The following ZGRF1 variants were observed in gnomAD, a reference collection of about 807,000 sequenced individuals.
ZGRF1 encodes the protein 5'-3' DNA helicase ZGRF1.
A neutral mutation model predicts 203.5 loss-of-function variants in ZGRF1; 196 were observed. That is an observed-to-expected ratio of 0.96 (90% CI 0.86 to 1.08). The LOEUF (loss-of-function observed/expected upper bound fraction) is 1.08. Among genes scored for constraint, ZGRF1 ranks in the 50% least tolerant of loss-of-function variants. The pLI, the probability that ZGRF1 is intolerant of heterozygous loss-of-function variation, is 0.00. For synonymous variants in ZGRF1, 809 were observed against 841.3 expected, an observed-to-expected ratio of 0.96 and a Z score of 0.66; for missense variants, 2,326 against 2,416.3, an observed-to-expected ratio of 0.96 and a Z score of 0.78.
At chr4:112,625,009 C>T (rs1269530333) in intron 3 of ZGRF1, among the ~76,000 whole-genome samples, 1 of 152,142 alleles carries the variant, frequency 6.6e-6, no homozygotes, top group South Asian at 2.1e-4. Context: ...GCTTGGTACA[C>T]GGCTCATGGT....
intron 3 of ZGRF1, among the ~76,000 whole-genome samples, chr4:112,626,642 T>C (rs2047248293): frequency 6.6e-6 from 1 of 152,182 alleles, no homozygotes; most frequent in African/African-American, 2.4e-5. Flanking sequence ...CCAAAAAATA[T>C]TTGTTGAACA....
chr4:112,631,718 G>A (rs2047416142), intron 3 of ZGRF1, among the ~76,000 whole-genome samples: 1 of 152,076 alleles, frequency 6.6e-6, no homozygotes, highest in Admixed American at 6.6e-5. Flanking sequence ...TGTGCTACTG[G>A]ATAACAGATC....
At chr4:112,563,010 C>T (rs1487771978) in intron 17 of ZGRF1, 121 bp downstream of exon 17, 11 of 638,932 alleles carry the variant, frequency 1.7e-5, no homozygotes, top group Non-Finnish European at 2.8e-5. Context: ...TTTTCAGGAA[C>T]TCACTGTACA....
At chr4:112,564,965 G>A (rs575023208) in intron 16 of ZGRF1, 34 of 827,418 alleles carry the variant, frequency 4.1e-5, no homozygotes, top group Middle Eastern at 2.2e-4. Flanking sequence ...GAGAAATGAG[G>A]TAAGTAAGGA....
Position 112,625,348 on chromosome 4 carries a change from A to C in ZGRF1, c.103-1472T>G, listed in dbSNP as rs564766041. Among the ~76,000 whole-genome samples the C allele has an allele frequency of 3.3e-5, 5 of 152,142 alleles. No homozygotes were observed. In the South Asian group the frequency reaches 1.0e-3, roughly 32 times the overall value. ...AAGCCTGTAATCCCAGCACTTTGGG[A>C]GGCCGAGGCGGCGGATCACGAGGTC... On this transcript the variant is annotated intron_variant, in intron 3 of 27. Transcript: ENST00000505019.
intron 10 of ZGRF1, among the ~76,000 whole-genome samples, chr4:112,595,916 A>T (rs1017647190): frequency 6.6e-6 from 1 of 152,210 alleles, no homozygotes; most frequent in Non-Finnish European, 1.5e-5. Flanking sequence ...AGAATTTGAT[A>T]AAAATACAGA....
In ZGRF1 at chr4:112,617,564, A is replaced by C. The variant is rs140357841; in HGVS notation, c.2478T>G (p.Ile826Met). 1.2e-3 allele frequency: 1,964 copies of C among 1,613,606 alleles called. 31 individuals carry two copies. Among genetic ancestry groups the C allele is most frequent in the Non-Finnish European group, 4.9e-5 (58 of 1,179,820 alleles). Residue 826 changes from isoleucine (I) to methionine (M), a missense_variant, in exon 6 of 28, where the codon ATT becomes ATG. Ile to Met is a conservative substitution (Grantham distance 10, BLOSUM62 1). Transcript: ENST00000505019. ...GTTCACATAGCGACTTTAAAATAGAAATGGTATTTACTAATCCAGAAAGTT... is the reference window on the plus strand; with the variant it reads ...GTTCACATAGCGACTTTAAAATAGACATGGTATTTACTAATCCAGAAAGTT... ...SSELSGLVNT[I>M]SILKSLCEHS...
At chr4:112,575,651 G>T (rs1413244540) in intron 16 of ZGRF1, among the ~76,000 whole-genome samples, 4 of 152,206 alleles carry the variant, frequency 2.6e-5, no homozygotes, top group African/African-American at 7.2e-5. Context: ...GGATCAGAGG[G>T]TCCTACACCC....
At chr4:112,542,427 T>C (rs1361062624) in intron 24 of ZGRF1, among the ~76,000 whole-genome samples, 1 of 152,118 alleles carries the variant, frequency 6.6e-6, no homozygotes, top group Non-Finnish European at 1.5e-5. Flanking sequence ...TATGCAAAGT[T>C]CAAAAAGGCA....
rs761803242 is a variant in ZGRF1, at chr4:112,618,189, T to TA, written c.1852dup (p.Tyr618LeufsTer5). 3.1e-5 allele frequency: 50 copies of TA among 1,613,734 alleles called. No individual in the cohort carries two copies. Among genetic ancestry groups the TA allele is most frequent in the Non-Finnish European group, 3.9e-5 (46 of 1,179,894 alleles). On this transcript the variant is annotated frameshift_variant, in exon 6 of 28. Coordinates refer to ENST00000505019, the MANE Select transcript of ZGRF1 (RefSeq NM_018392.5). LOFTEE classifies it high-confidence loss of function. ...ACATATTCCCATGTCAAAACCCACATAAGTTTTATCACAAAACTGTGATGG... is the reference window on the plus strand; with the variant it reads ...ACATATTCCCATGTCAAAACCCACATAAAGTTTTATCACAAAACTGTGATGG...
At chr4:112,612,729 T>C (rs75193397) in intron 6 of ZGRF1, 141 bp from the exon 7 acceptor site, 33 of 562,740 alleles carry the variant, frequency 5.9e-5, no homozygotes, top group East Asian at 2.1e-4. Flanking sequence ...ATCTGGAATG[T>C]AGCACTTGAG....
intron 1 of ZGRF1, chr4:112,636,636 A>C (rs1157820798): frequency 6.6e-6 from 1 of 152,156 alleles, no homozygotes; most frequent in Non-Finnish European, 1.5e-5. Flanking sequence ...TTTGGTCCTC[A>C]TACCTACTCG....
chr4:112,609,966 C>CCATCTCTA (rs1751342943), intron 7 of ZGRF1, among the ~76,000 whole-genome samples: 1 of 151,840 alleles, frequency 6.6e-6, no homozygotes, highest in Non-Finnish European at 1.5e-5. Context: ...TAGTGAAACC[C>CCATCTCTA]CATCTCTACA....
At position 112,603,535 on chromosome 4, in the gene ZGRF1, C is replaced by A; in HGVS notation, c.2965G>T (p.Asp989Tyr). 6.2e-7 allele frequency: 1 copy of A among 1,600,736 alleles called. No homozygotes were observed. The highest frequency in any genetic ancestry group is 1.1e-5 in the South Asian group (1 of 89,222). The change falls in exon 10 of 28, where the codon GAC (aspartate) becomes TAC (tyrosine). Residue 989 changes from aspartate (D) to tyrosine (Y), a missense_variant. Transcript: ENST00000505019. ...AAAAATATTTTTACCTGCAAGAAGT[C>A]AATCTGCATACACGTGCTAGGTAAC... The part of the protein sequence containing the change: ...PELPSTCMQI[D>Y]FLQVTSPEEN...
At chr4:112,547,255 A>C (rs779454311) in intron 24 of ZGRF1, 30 bp downstream of exon 24, 1 of 1,591,888 alleles carries the variant, frequency 6.3e-7, no homozygotes, top group South Asian at 1.2e-5. Context: ...TCAATAAATG[A>C]TAATTCCGTA....
At chr4:112,598,780 G>A (rs1292865575) in intron 10 of ZGRF1, among the ~76,000 whole-genome samples, 1 of 152,080 alleles carries the variant, frequency 6.6e-6, no homozygotes, top group Non-Finnish European at 1.5e-5. Context: ...GCCAGTCACG[G>A]TGTCAGATGC....
chr4:112,555,293 T>C lies in ZGRF1; in HGVS notation c.5121-511A>G, dbSNP rs147468381. ...TCCTCTACATACATTATCCCCCAGTTAGGGCTTTGTGAGGAAGGACCCCTC... is the reference window on the plus strand; with the variant it reads ...TCCTCTACATACATTATCCCCCAGTCAGGGCTTTGTGAGGAAGGACCCCTC... On this transcript the variant is annotated intron_variant, in intron 20 of 27. Coordinates refer to ENST00000505019, the MANE Select transcript of ZGRF1 (RefSeq NM_018392.5). Among the ~76,000 whole-genome samples the C allele has an allele frequency of 1.4e-4, 21 of 152,286 alleles. No individual in the cohort carries two copies. In the East Asian group the frequency reaches 3.3e-3, roughly 24 times the overall value.
chr4:112,618,487 A>G lies in ZGRF1; in HGVS notation c.1555T>C (p.Ser519Pro). 1.2e-6 allele frequency: 2 copies of G among 1,613,432 alleles called. No individual in the cohort carries two copies. The highest frequency in any genetic ancestry group is 2.2e-5 in the South Asian group (2 of 91,056). ...AATGGTTGTGTTACATTACTCAGAGATTCATGAATACTATTAAGACTTTCA... is the reference window on the plus strand; with the variant it reads ...AATGGTTGTGTTACATTACTCAGAGGTTCATGAATACTATTAAGACTTTCA... ...DNESLNSIHE[S>P]LSNVTQPFLE... Residue 519 changes from serine (S) to proline (P), a missense_variant, in exon 6 of 28, where the codon TCT becomes CCT. Physicochemically the swap from Ser to Pro is moderately conservative, Grantham distance 74. Coordinates refer to ENST00000505019, the MANE Select transcript of ZGRF1 (RefSeq NM_018392.5).
In ZGRF1 at chr4:112,600,521, G is replaced by A. The variant is rs186227417; in HGVS notation, c.2976+3003C>T. 1.3e-4 allele frequency among the ~76,000 whole-genome samples: 20 copies of A among 152,080 alleles called. No homozygotes were observed. The East Asian group carries it at 2.5e-3, about 19-fold the overall frequency. On this transcript the variant is annotated intron_variant, in intron 10 of 27. Coordinates refer to ENST00000505019, the MANE Select transcript of ZGRF1 (RefSeq NM_018392.5). ...TGCCTGGCCAACATGGTGAAACCCC[G>A]TCTCTACTAGAAATACAAAAATTAG...
Sources: allele counts gnomAD v4.1 joint callset (sites outside exome capture counted in the v4.1 genomes callset), GRCh38; gene constraint gnomAD v4.1.1; transcripts MANE v1.5; gene names NCBI Gene and HGNC (gene_info 2026-07-23, HGNC 2026-07-21).